USP7: variants seen among roughly 807,000 people sequenced by gnomAD.
The protein encoded by USP7 is ubiquitin C-terminal hydrolase 7.
A neutral mutation model predicts 162.9 loss-of-function variants in USP7; 9 were observed. That is an observed-to-expected ratio of 0.06 (90% CI 0.03 to 0.10). The LOEUF is 0.10. Among genes scored for constraint, USP7 ranks in the 10% least tolerant of loss-of-function variants. The pLI is 1.00. For synonymous variants in USP7, 562 were observed against 475.9 expected, an observed-to-expected ratio of 1.18 and a Z score of -2.35; for missense variants, 715 against 1,373.7, an observed-to-expected ratio of 0.52 and a Z score of 7.58.
chr16:8,923,327 A>C lies in USP7; in HGVS notation c.271T>G (p.Phe91Val). 3 of 1,613,640 alleles carry C rather than the reference A, an allele frequency of 1.9e-6. No individual in the cohort carries two copies. Among genetic ancestry groups the C allele is most frequent in the Non-Finnish European group, 2.5e-6 (3 of 1,179,900 alleles). ...LSESVLSPPC[F>V]VRNLPWKIMV... is the part of the protein sequence containing the mutation. ...ATCTTCCATGGCAGATTTCGCACAA[A>C]ACACGGAGGGCTAAGGACCGACTCA... Residue 91 changes from phenylalanine to valine, a missense_variant, in exon 3 of 31, where the codon TTT becomes GTT. Phe to Val is a conservative substitution (Grantham distance 50). This residue lies in a region of USP7 where 137 missense variants were observed against 123.5 expected (regional missense o/e 1.11). Coordinates refer to ENST00000344836, the MANE Select transcript of USP7 (RefSeq NM_003470.3).
chr16:8,938,853 T>C (rs1898900117), intron 1 of USP7, among the ~76,000 whole-genome samples: 1 of 152,152 alleles, frequency 6.6e-6, no homozygotes, highest in South Asian at 2.1e-4. Flanking sequence ...CACGTAGAGA[T>C]AATTTAAACT....
At chr16:8,895,229 ACTCTAACC>A (rs1365761047) in intron 27 of USP7, 79 bp from the exon 28 acceptor site, 2 of 1,601,960 alleles carry the variant, frequency 1.2e-6, no homozygotes, top group African/African-American at 1.3e-5. Flanking sequence ...TTCTCACACT[ACTCTAACC>A]CGGAGGGTAA....
chr16:8,900,306 GAGACATTTTA>G (rs1186952103), intron 21 of USP7, among the ~76,000 whole-genome samples: 1 of 152,196 alleles, frequency 6.6e-6, no homozygotes, highest in African/African-American at 2.4e-5. Context: ...ACGTGCACTT[GAGACATTTTA>G]AGGAATTTTT....
At chr16:8,934,137 G>T (rs1339062985) in intron 1 of USP7, among the ~76,000 whole-genome samples, 2 of 152,152 alleles carry the variant, frequency 1.3e-5, no homozygotes, top group Non-Finnish European at 2.9e-5. Flanking sequence ...TACGACAATA[G>T]CTTTAAAACA....
intron 11 of USP7, among the ~76,000 whole-genome samples, chr16:8,910,147 C>A (rs891040594): frequency 5.9e-5 from 9 of 152,148 alleles, no homozygotes; most frequent in East Asian, 1.9e-4. Flanking sequence ...CAAAACAGAC[C>A]CTGGATCACT....
intron 1 of USP7, among the ~76,000 whole-genome samples, chr16:8,932,398 TC>T (rs540079801): frequency 2.9e-3 from 436 of 152,258 alleles, no homozygotes; most frequent in Non-Finnish European, 4.5e-3. Context: ...AGACCTCATC[TC>T]AATTTATTAT....
rs1345183784 is a variant in USP7 at position 8,905,149 on chromosome 16, CCACAGTAAAGAACAGAACAAAAGTGAA to C, written c.1573+11_1573+37del. The C allele has an allele frequency of 6.3e-7, 1 of 1,599,858 alleles. No homozygotes were observed. Among genetic ancestry groups the C allele is most frequent in the Non-Finnish European group, 8.6e-7 (1 of 1,167,738 alleles). On this transcript the variant is annotated intron_variant, in intron 14 of 30. Coordinates refer to ENST00000344836, the MANE Select transcript of USP7 (RefSeq NM_003470.3). ...TTCATGGTACAAATGTCCAAGTCCA[CCACAGTAAAGAACAGAACAAAAGTGAA>C]CACTACTCACTCAGTTTTGATTCCC...
intron 1 of USP7, among the ~76,000 whole-genome samples, chr16:8,954,981 A>T (rs1899725268): frequency 6.6e-6 from 1 of 152,134 alleles, no homozygotes; most frequent in Non-Finnish European, 1.5e-5. Flanking sequence ...TAAAATAAAA[A>T]AACAGTAACA....
intron 1 of USP7, among the ~76,000 whole-genome samples, chr16:8,939,096 A>G (rs1898912956): frequency 6.6e-6 from 1 of 152,136 alleles, no homozygotes; most frequent in South Asian, 2.1e-4. Flanking sequence ...TAACCCACCA[A>G]CCCAATGAAG....
intron 25 of USP7, among the ~76,000 whole-genome samples, chr16:8,897,791 TG>T (rs1020121732): frequency 2.2e-5 from 3 of 138,840 alleles, no homozygotes; most frequent in African/African-American, 8.2e-5. Flanking sequence ...CCTAGCTACT[TG>T]GGGGGCTGAG....
At chr16:8,951,203 C>A (rs1899530166) in intron 1 of USP7, among the ~76,000 whole-genome samples, 1 of 2,514 alleles carries the variant, frequency 4.0e-4, no homozygotes, top group Non-Finnish European at 2.3e-3. Flanking sequence ...ACTTTACAAA[C>A]TAAATATTGT....
At chr16:8,906,113 C>T (rs1190203204) in intron 13 of USP7, among the ~76,000 whole-genome samples, 1 of 152,158 alleles carries the variant, frequency 6.6e-6, no homozygotes, top group Non-Finnish European at 1.5e-5. Flanking sequence ...CCAGCCTCCC[C>T]GACTGGGCCC....
At chr16:8,925,745 C>A (rs771116444) in intron 2 of USP7, among the ~76,000 whole-genome samples, 1 of 152,314 alleles carries the variant, frequency 6.6e-6, no homozygotes, top group Middle Eastern at 3.4e-3. Context: ...ACACTCAAGG[C>A]ACATTTCTTA....
intron 1 of USP7, among the ~76,000 whole-genome samples, chr16:8,953,587 A>G (rs9928695): frequency 0.11 from 4,456 of 41,760 alleles, 155 homozygotes; most frequent in African/African-American, 0.19. Context: ...CACGTGCCCC[A>G]TGCGGCGCCA....
In USP7 at chr16:8,915,528, G is replaced by A. The variant is rs1184273035; in HGVS notation, c.907-3C>T. The A allele has an allele frequency of 6.2e-7, 1 of 1,611,694 alleles. No individual in the cohort carries two copies. Among genetic ancestry groups the A allele is most frequent in the Admixed American group, 1.7e-5 (1 of 59,820 alleles). ...TTATTTTCCACATTATCGAGCAACT[G>A]AAAAAGAATGTTTTGGCTTTAAAAA... On this transcript the variant is annotated splice_region_variant and splice_polypyrimidine_tract_variant and intron_variant, in intron 8 of 30. Transcript: ENST00000344836.
intron 16 of USP7, 35 bp from the exon 17 acceptor site, chr16:8,902,517 A>C (rs2061790842): frequency 6.3e-7 from 1 of 1,582,490 alleles, no homozygotes. Context: ...TAAAATAAAA[A>C]CACGCTCATA....
rs778373705 is a variant in USP7, at chr16:8,894,538, GA to G, written c.3202+11del. The G allele has an allele frequency of 5.8e-5, 94 of 1,607,222 alleles. No individual in the cohort carries two copies. Among genetic ancestry groups the G allele is most frequent in the Non-Finnish European group, 7.6e-5 (90 of 1,178,362 alleles). On this transcript the variant is annotated intron_variant, in intron 30 of 30. Transcript: ENST00000344836. ...AACCCACACCAGCCCCCGGGGGGGG[GA>G]GAACCCTTACCGGGCTGTGGCTCAA...
intron 1 of USP7, among the ~76,000 whole-genome samples, chr16:8,955,746 A>C (rs904046589): frequency 6.6e-6 from 1 of 150,458 alleles, no homozygotes; most frequent in African/African-American, 2.4e-5. Context: ...GGGTCAATTA[A>C]GAGTCATGAA....
intron 30 of USP7, 86 bp from the exon 31 acceptor site, chr16:8,894,190 C>G: frequency 7.9e-7 from 1 of 1,262,428 alleles, no homozygotes; most frequent in South Asian, 1.2e-5. Context: ...GCATGCATCC[C>G]TGTGGCTCCC....
Sources: allele counts gnomAD v4.1 joint callset (sites outside exome capture counted in the v4.1 genomes callset), GRCh38; gene constraint gnomAD v4.1.1; regional missense constraint gnomAD v4.1.1; transcripts MANE v1.5; gene names NCBI Gene and HGNC (gene_info 2026-07-23, HGNC 2026-07-21).